Variants in MAF observed in about 807,000 individuals in gnomAD.
MAF encodes the protein MAF bZIP transcription factor, also known as transcription factor Maf.
In MAF, 10 loss-of-function variants were observed where a neutral mutation model predicts 22.0. The observed-to-expected ratio is 0.45, with a 90% CI of 0.28 to 0.77. The LOEUF (loss-of-function observed/expected upper bound fraction) is 0.77. MAF is among the 30% of genes least tolerant of loss of function. MAF has a pLI of 0.12. For missense variants in MAF, 544 were observed against 548.4 expected (o/e 0.99, Z 0.08); for synonymous variants, 337 against 255.8 (o/e 1.32, Z -3.03).
chr16:79,298,392 C>T, the MAF span, among the ~76,000 whole-genome samples: 1 of 152,240 alleles, frequency 6.6e-6, no homozygotes, highest in Admixed American at 6.5e-5. Flanking sequence ...ACTTTCTTCG[C>T]TGGGGATTAC....
chr16:79,488,580 G>A, the MAF span, among the ~76,000 whole-genome samples: 2 of 152,162 alleles, frequency 1.3e-5, no homozygotes, highest in African/African-American at 4.8e-5. Context: ...CACAGATGGT[G>A]CTCCTCACAT....
chr16:79,440,373 T>A, the MAF span, among the ~76,000 whole-genome samples: 1 of 152,222 alleles, frequency 6.6e-6, no homozygotes, highest in Non-Finnish European at 1.5e-5. Context: ...ACACAGGAAG[T>A]CCCGACCAGG....
At chr16:79,555,630 T>C in the MAF span, among the ~76,000 whole-genome samples, 1 of 152,310 alleles carries the variant, frequency 6.6e-6, no homozygotes, top group South Asian at 2.1e-4. Flanking sequence ...ACTGAAGTGT[T>C]TGCACACCAA....
chr16:79,220,419 C>T, the MAF span, among the ~76,000 whole-genome samples: 2 of 151,966 alleles, frequency 1.3e-5, no homozygotes, highest in Non-Finnish European at 2.9e-5. Flanking sequence ...TTGCATGTAT[C>T]TTGTAGTTTT....
the MAF span, among the ~76,000 whole-genome samples, chr16:79,396,444 A>G: frequency 6.6e-6 from 1 of 152,328 alleles, no homozygotes; most frequent in East Asian, 1.9e-4. Context: ...GCTCGATTCA[A>G]TTTTTATACA....
At chr16:79,495,100 TAC>T in the MAF span, among the ~76,000 whole-genome samples, 3 of 152,070 alleles carry the variant, frequency 2.0e-5, no homozygotes, top group Non-Finnish European at 4.4e-5. Context: ...CCAGGTAGTT[TAC>T]AGTTTTTACA....
At chr16:79,535,990 C>T in the MAF span, among the ~76,000 whole-genome samples, 3 of 152,204 alleles carry the variant, frequency 2.0e-5, no homozygotes, top group African/African-American at 4.8e-5. Context: ...CCACAGTTGG[C>T]AGTATTTATA....
the MAF span, among the ~76,000 whole-genome samples, chr16:79,529,312 C>T: frequency 6.6e-6 from 1 of 152,148 alleles, no homozygotes; most frequent in Non-Finnish European, 1.5e-5. Context: ...CTACCCCTCT[C>T]TAGCTGGAAG....
the MAF span, among the ~76,000 whole-genome samples, chr16:79,562,872 G>A: frequency 6.6e-6 from 1 of 152,102 alleles, no homozygotes; most frequent in East Asian, 1.9e-4. Context: ...CCCTCCCCAG[G>A]TCCAGAAAAC....
the MAF span, among the ~76,000 whole-genome samples, chr16:79,233,167 G>T: frequency 6.6e-6 from 1 of 151,848 alleles, no homozygotes; most frequent in Admixed American, 6.6e-5. Context: ...ATGACTACCC[G>T]TGCAGGTTTT....
chr16:79,444,554 A>G, the MAF span, among the ~76,000 whole-genome samples: 1,484 of 152,304 alleles, frequency 9.7e-3, 9 homozygotes, highest in Non-Finnish European at 0.016. Flanking sequence ...CTGAGAATGA[A>G]ATAAGACAGG....
chr16:79,276,324 G>A, the MAF span, among the ~76,000 whole-genome samples: 1 of 152,192 alleles, frequency 6.6e-6, no homozygotes, highest in Admixed American at 6.5e-5. Flanking sequence ...GCCTTCTTGG[G>A]ACTCGGGGTC....
the MAF span, among the ~76,000 whole-genome samples, chr16:79,366,376 A>C: frequency 6.6e-6 from 1 of 152,264 alleles, no homozygotes; most frequent in Non-Finnish European, 1.5e-5. Flanking sequence ...GCCTATGTTC[A>C]AATTCCAAGT....
At chr16:79,225,758 GT>G in the MAF span, among the ~76,000 whole-genome samples, 5 of 152,172 alleles carry the variant, frequency 3.3e-5, no homozygotes, top group Admixed American at 2.0e-4. Context: ...CATTTATACA[GT>G]CAGCAAACAT....
At chr16:79,429,345 C>G in the MAF span, among the ~76,000 whole-genome samples, 1 of 152,164 alleles carries the variant, frequency 6.6e-6, no homozygotes, top group Non-Finnish European at 1.5e-5. Flanking sequence ...AGCAGAGGAC[C>G]GACGGAGGGA....
At chr16:79,252,780 G>A in the MAF span, among the ~76,000 whole-genome samples, 1 of 152,258 alleles carries the variant, frequency 6.6e-6, no homozygotes, top group East Asian at 1.9e-4. Flanking sequence ...GTGAGTCACC[G>A]TGCCCGGCCG....
At chr16:79,320,548 G>A in the MAF span, among the ~76,000 whole-genome samples, 2 of 152,160 alleles carry the variant, frequency 1.3e-5, no homozygotes, top group Non-Finnish European at 2.9e-5. Context: ...AATCTACCTA[G>A]AATTCGCTTC....
At chr16:79,362,869 T>C in the MAF span, among the ~76,000 whole-genome samples, 50 of 152,370 alleles carry the variant, frequency 3.3e-4, no homozygotes, top group African/African-American at 1.2e-3. Context: ...TGTGCATTTA[T>C]ATCTTTTAAG....
At chr16:79,324,951 T>C in the MAF span, among the ~76,000 whole-genome samples, 8 of 152,128 alleles carry the variant, frequency 5.3e-5, no homozygotes, top group Non-Finnish European at 8.8e-5. Context: ...CTGGCAATCA[T>C]TGGTGCTCTG....
Sources: allele counts gnomAD v4.1 joint callset (sites outside exome capture counted in the v4.1 genomes callset), GRCh38; gene constraint gnomAD v4.1.1; transcripts MANE v1.5; gene names NCBI Gene and HGNC (gene_info 2026-07-23, HGNC 2026-07-21).